Variants in TULP4 observed in about 807,000 individuals in gnomAD.
TULP4 encodes TUB like protein 4.
TULP4 carries 16 observed loss-of-function variants against 129.0 expected under a neutral mutation model. That is an observed-to-expected ratio of 0.12 (90% CI 0.08 to 0.19). TULP4 has a LOEUF of 0.19. Among genes scored for constraint, TULP4 ranks in the 10% least tolerant of loss-of-function variants. The pLI is 1.00. For synonymous variants in TULP4, 998 were observed against 854.0 expected (o/e 1.17, Z -2.94); for missense variants, 1,842 against 2,059.1 (o/e 0.89, Z 2.04).
In TULP4 at chr6:158,503,515, C is replaced by G. The variant is rs1780521831; in HGVS notation, c.3852C>G (p.His1284Gln). Residue 1284 changes from histidine to glutamine, a missense_variant, in exon 13 of 14, where the codon CAC becomes CAG. Around this residue, in one of 5 missense-constraint regions of TULP4, gnomAD observed 1,089 missense variants for 987.1 expected, o/e 1.10. Coordinates refer to ENST00000367097, the MANE Select transcript of TULP4 (RefSeq NM_020245.5). This position sits in a 1 kb window ranked among gnomAD's most constrained non-coding sequence, Gnocchi z 4.3. ...NPQGTLPPKP[H>Q]LVVEKPLVSP... ...AGGGCACTCTCCCCCCAAAGCCACACTTGGTGGTGGAGAAGCCCCTTGTGT... is the reference window on the plus strand; with the variant it reads ...AGGGCACTCTCCCCCCAAAGCCACAGTTGGTGGTGGAGAAGCCCCTTGTGT... The G allele has an allele frequency of 6.2e-7, 1 of 1,614,008 alleles. No individual in the cohort carries two copies. The highest frequency in any genetic ancestry group is 1.1e-5 in the South Asian group (1 of 91,078).
At chr6:158,346,201 C>A (rs184807870) in intron 1 of TULP4, among the ~76,000 whole-genome samples, 19 of 152,298 alleles carry the variant, frequency 1.2e-4, no homozygotes, top group African/African-American at 4.3e-4. Context: ...ACAGTTAACA[C>A]AGTTATCACA....
At position 158,313,185 on chromosome 6, in the gene TULP4, G is replaced by T. The variant is rs1387840613; in HGVS notation, c.-832G>T. ...CGCTGGAACATTCTGCCTCTTGAGT[G>T]AAGGGGCCTTCTTTCTAGCCTCTAT... On this transcript the variant is annotated 5_prime_UTR_variant, in exon 1 of 14. Coordinates refer to ENST00000367097, the MANE Select transcript of TULP4 (RefSeq NM_020245.5). 8 of 289,040 alleles carry T rather than the reference G, an allele frequency of 2.8e-5. No homozygotes were observed. Among genetic ancestry groups the T allele is most frequent in the Non-Finnish European group, 5.1e-5 (8 of 158,052 alleles). 17.9% of individuals were successfully genotyped at this position (289,040 alleles called of 1,614,324 possible).
intron 2 of TULP4, among the ~76,000 whole-genome samples, chr6:158,427,426 A>C (rs552802989): frequency 2.9e-4 from 44 of 150,426 alleles, no homozygotes; most frequent in African/African-American, 1.1e-3. Context: ...AGCAGTTTTG[A>C]AAACTTACAT....
chr6:158,266,147 C>T (rs914669530), intron 1 of TULP4, among the ~76,000 whole-genome samples: 1 of 152,194 alleles, frequency 6.6e-6, no homozygotes, highest in Non-Finnish European at 1.5e-5. Context: ...TTCTAAGCAA[C>T]ATTTTAAACA....
chr6:158,259,566 C>A (rs4710152), intron 1 of TULP4, among the ~76,000 whole-genome samples: 50,001 of 152,038 alleles, frequency 0.33, 9,214 homozygotes, highest in Admixed American at 0.45. Flanking sequence ...ACTAAATATC[C>A]GAACAGTGGC....
intron 1 of TULP4, chr6:158,242,805 C>T (rs781572789): frequency 1.7e-5 from 5 of 292,208 alleles, no homozygotes; most frequent in Non-Finnish European, 3.3e-5. Context: ...ACTGAAACTC[C>T]ACCCTGCTGC....
chr6:158,472,932 C>T (rs1779724479), intron 6 of TULP4, among the ~76,000 whole-genome samples: 1 of 152,184 alleles, frequency 6.6e-6, no homozygotes, highest in Non-Finnish European at 1.5e-5. Flanking sequence ...TATATTCTTG[C>T]ATATCTGAAA....
At chr6:158,337,944 C>G (rs915318017) in intron 1 of TULP4, among the ~76,000 whole-genome samples, 4 of 152,108 alleles carry the variant, frequency 2.6e-5, no homozygotes, top group Non-Finnish European at 5.9e-5. Flanking sequence ...TAGAAAGTAG[C>G]TGAAGAAAGG....
intron 1 of TULP4, among the ~76,000 whole-genome samples, chr6:158,339,974 C>T (rs1474286671): frequency 6.6e-6 from 1 of 152,206 alleles, no homozygotes; most frequent in Non-Finnish European, 1.5e-5. Flanking sequence ...ATTCTTCTGC[C>T]ATGGCTTCAG....
chr6:158,397,557 T>G (rs1777746115), intron 1 of TULP4, among the ~76,000 whole-genome samples: 1 of 151,922 alleles, frequency 6.6e-6, no homozygotes, highest in Non-Finnish European at 1.5e-5. Context: ...TTGTTAGGTG[T>G]TTTGTTTGTT....
intron 1 of TULP4, among the ~76,000 whole-genome samples, chr6:158,404,126 C>T (rs1183338653): frequency 6.6e-6 from 1 of 152,204 alleles, no homozygotes; most frequent in Non-Finnish European, 1.5e-5. Flanking sequence ...TGGAACCTTT[C>T]TTATGGTGAG....
rs562169994 is a variant in TULP4 at position 158,470,277 on chromosome 6, A to G, written c.1026+8548A>G. ...ACAGCAGTGGTGGACAGCGAGCGAA[A>G]GCTCAGCTTGAGCCTTAACAAACAT... On this transcript the variant is annotated intron_variant, in intron 6 of 13. Coordinates refer to ENST00000367097, the MANE Select transcript of TULP4 (RefSeq NM_020245.5). Among the ~76,000 whole-genome samples, 102 of 152,372 alleles carry G rather than the reference A, an allele frequency of 6.7e-4. 1 individual carries two copies. The highest frequency in any genetic ancestry group is 2.2e-3 in the African/African-American group (91 of 41,592).
chr6:158,423,120 AGAG>A (rs150831301), intron 2 of TULP4, among the ~76,000 whole-genome samples: 10,311 of 59,122 alleles, frequency 0.17, 1,366 homozygotes, highest in East Asian at 0.46. Context: ...TCCACAAAAA[AGAG>A]GGGGGGGGGG....
At chr6:158,445,381 T>C (rs1779012810) in intron 3 of TULP4, among the ~76,000 whole-genome samples, 1 of 152,036 alleles carries the variant, frequency 6.6e-6, no homozygotes, top group Admixed American at 6.6e-5. Flanking sequence ...TATGGGAGGA[T>C]TTGAGAATTG....
rs182873866 is a variant in TULP4 at position 158,506,271 on chromosome 6, G to T, written c.4516-307G>T. Among the ~76,000 whole-genome samples, 13 of 110,646 alleles carry T rather than the reference G, an allele frequency of 1.2e-4. No homozygotes were observed. In the Admixed American group the frequency reaches 1.8e-3, roughly 16 times the overall value. The allele number at this position is 110,646 out of a possible 152,430, so 72.6% of individuals were successfully genotyped here. A position where few individuals can be genotyped will look rare whatever the true frequency, so the allele number is the denominator to read the frequency against. On this transcript the variant is annotated intron_variant, in intron 13 of 13. Transcript: ENST00000367097. ...TTTTTGAGATGAAGTCTCCTCTGTC[G>T]CCCAGGCTGGAGTGCAGTGGCCCAA... is the stretch of plus-strand genomic sequence containing the variant.
chr6:158,476,372 C>T (rs1256814657), intron 6 of TULP4, among the ~76,000 whole-genome samples: 1 of 152,074 alleles, frequency 6.6e-6, no homozygotes, highest in Non-Finnish European at 1.5e-5. Context: ...AATAATTATT[C>T]CTTTGAGACC....
At chr6:158,356,972 C>T (rs1442439824) in intron 1 of TULP4, among the ~76,000 whole-genome samples, 6 of 152,122 alleles carry the variant, frequency 3.9e-5, no homozygotes, top group African/African-American at 1.4e-4. Context: ...TGGGGGTAGG[C>T]ACTTCCATTT....
intron 1 of TULP4, among the ~76,000 whole-genome samples, chr6:158,322,408 T>A (rs1216973228): frequency 6.6e-6 from 1 of 152,234 alleles, no homozygotes; most frequent in African/African-American, 2.4e-5. Context: ...ATTCATTAGT[T>A]TACTCAAGTC....
At chr6:158,248,401 C>T (rs1018162263) in intron 1 of TULP4, among the ~76,000 whole-genome samples, 3 of 151,974 alleles carry the variant, frequency 2.0e-5, no homozygotes, top group African/African-American at 7.2e-5. Flanking sequence ...TCCCAAGTAG[C>T]TGGGACTATA....
Sources: allele counts gnomAD v4.1 joint callset (sites outside exome capture counted in the v4.1 genomes callset), GRCh38; gene constraint gnomAD v4.1.1; regional missense constraint gnomAD v4.1.1; non-coding constraint Gnocchi (gnomAD v3.1); transcripts MANE v1.5; gene names NCBI Gene and HGNC (gene_info 2026-07-23, HGNC 2026-07-21).